The following CLCN5 variants were observed in gnomAD, a reference collection of about 807,000 sequenced individuals.
CLCN5 encodes the protein Cl-/H+ antiporter 5, also known as H(+)/Cl(-) exchange transporter 5.
A neutral mutation model predicts 54.0 loss-of-function variants in CLCN5; 17 were observed. That is an observed-to-expected ratio of 0.31 (90% CI 0.22 to 0.47). The LOEUF is 0.47. Ranked by LOEUF, CLCN5 falls within the 20% of genes least tolerant of loss-of-function variation. The pLI, the probability that CLCN5 is intolerant of heterozygous loss-of-function variation, is 1.00. For synonymous variants in CLCN5, 222 were observed against 233.0 expected, an observed-to-expected ratio of 0.95 and a Z score of 0.43; for missense variants, 448 against 646.7, an observed-to-expected ratio of 0.69 and a Z score of 3.33.
intron 3 of CLCN5, among the ~76,000 whole-genome samples, chrX:49,941,237 G>T (rs782696255): frequency 1.8e-5 from 2 of 110,444 alleles, no homozygotes; most frequent in East Asian, 5.7e-4. Flanking sequence ...CATGAGAATT[G>T]CTTGAACCCA....
chrX:50,084,189 A>G (rs1468769337), intron 9 of CLCN5, among the ~76,000 whole-genome samples: 1 of 111,963 alleles, frequency 8.9e-6, no homozygotes, highest in Non-Finnish European at 1.9e-5. Context: ...ACAAACATGT[A>G]CAGCATGCGA....
At chrX:49,988,762 A>G (rs185424074) in intron 3 of CLCN5, among the ~76,000 whole-genome samples, 1 of 112,228 alleles carries the variant, frequency 8.9e-6, no homozygotes, top group African/African-American at 3.2e-5. Flanking sequence ...TCAAATTGGT[A>G]TAAAAGTCCC....
intron 3 of CLCN5, among the ~76,000 whole-genome samples, chrX:49,940,468 A>T (rs941339246): frequency 4.5e-5 from 5 of 111,808 alleles, no homozygotes; most frequent in Non-Finnish European, 7.5e-5. Context: ...CTTCTGTGGT[A>T]GTCCACAACT....
In CLCN5 at chrX:50,086,505, T is replaced by A. The variant is rs1557193944; in HGVS notation, c.1192T>A (p.Phe398Ile). Residue 398 changes from phenylalanine to isoleucine, a missense_variant, in exon 11 of 15, where the codon TTT (phenylalanine) becomes ATT (isoleucine). Phe to Ile is a conservative substitution (Grantham distance 21). This residue lies in a region of CLCN5 where 297 missense variants were observed against 470.4 expected (regional missense o/e 0.63). Transcript: ENST00000376091. ...CGTGCCATTCATTCTGCTGGGCATA[T>A]TTGGTGGTCTGTGGGGAGCACTGTT... is the stretch of plus-strand genomic sequence containing the variant. ...ELVPFILLGI[F>I]GGLWGALFIR... 1 of 1,211,034 alleles carries A rather than the reference T, an allele frequency of 8.3e-7. No homozygotes were observed. The highest frequency in any genetic ancestry group is 1.8e-5 in the South Asian group (1 of 56,926).
At chrX:50,070,322 T>G (rs1933179272) in intron 5 of CLCN5, among the ~76,000 whole-genome samples, 1 of 112,079 alleles carries the variant, frequency 8.9e-6, no homozygotes, top group South Asian at 3.7e-4. Context: ...TTTAAAAAAT[T>G]GTATTTAGTG....
chrX:49,996,939 C>T (rs1310944983), intron 3 of CLCN5, among the ~76,000 whole-genome samples: 2 of 111,772 alleles, frequency 1.8e-5, no homozygotes, highest in African/African-American at 6.5e-5. Flanking sequence ...TCTGAAATAC[C>T]TTTCTCTACC....
chrX:49,935,577 T>C (rs1925910070), intron 3 of CLCN5, among the ~76,000 whole-genome samples: 1 of 111,420 alleles, frequency 9.0e-6, no homozygotes, highest in Non-Finnish European at 1.9e-5. Flanking sequence ...TCAAGTCCTA[T>C]GAAAAAGAAT....
intron 3 of CLCN5, among the ~76,000 whole-genome samples, chrX:49,937,525 C>T (rs1485265497): frequency 4.5e-5 from 5 of 112,016 alleles, no homozygotes; most frequent in Non-Finnish European, 1.9e-5. Context: ...CCAAGGGCCT[C>T]TAAAAGCTAC....
intron 3 of CLCN5, among the ~76,000 whole-genome samples, chrX:49,983,969 T>C (rs1928866339): frequency 9.0e-6 from 1 of 110,998 alleles, no homozygotes; most frequent in Non-Finnish European, 1.9e-5. Flanking sequence ...TTTTTCCTAC[T>C]TGCTTACAAT....
At chrX:50,047,634 G>A (rs190323027) in intron 4 of CLCN5, among the ~76,000 whole-genome samples, 69 of 111,275 alleles carry the variant, frequency 6.2e-4, no homozygotes, top group Non-Finnish European at 1.1e-3. Context: ...TCTCATCCAG[G>A]ATACTATATT....
In CLCN5 at chrX:49,925,424, A is replaced by G. The variant is rs1925292400; in HGVS notation, c.16+110A>G. 7.9e-6 allele frequency: 6 copies of G among 755,877 alleles called. No homozygotes were observed. In the South Asian group the frequency reaches 1.3e-4, roughly 17 times the overall value. The allele number at this position is 755,877 out of a possible 1,213,427, so 62.3% of individuals were successfully genotyped here. A position where few individuals can be genotyped will look rare whatever the true frequency, so the allele number is the denominator to read the frequency against. ...ATGGCAGGCAGCCAGCTGTTCTTTA[A>G]TTTAACCCTTTGTCTTTGCAGGGAC... is the stretch of plus-strand genomic sequence containing the variant. On this transcript the variant is annotated intron_variant, in intron 3 of 14. Coordinates refer to ENST00000376091, the MANE Select transcript of CLCN5 (RefSeq NM_001127898.4).
At chrX:50,058,569 T>A (rs782626862) in intron 4 of CLCN5, among the ~76,000 whole-genome samples, 8 of 111,573 alleles carry the variant, frequency 7.2e-5, no homozygotes, top group Non-Finnish European at 1.3e-4. Context: ...GCAGTGTGTT[T>A]CTAGAGACCT....
intron 3 of CLCN5, among the ~76,000 whole-genome samples, chrX:49,932,996 C>T (rs980583128): frequency 1.8e-5 from 2 of 111,632 alleles, no homozygotes; most frequent in East Asian, 5.6e-4. Context: ...GACGAGAAAG[C>T]TTTAGTGTGA....
rs1934178832 is a variant in CLCN5, at chrX:50,093,834, G to A, written c.*1615G>A. 1 of 111,989 alleles carries A rather than the reference G, an allele frequency of 8.9e-6. No homozygotes were observed. 9.2% of individuals were successfully genotyped at this position (111,989 alleles called of 1,213,427 possible). On this transcript the variant is annotated 3_prime_UTR_variant, in exon 15 of 15. Transcript: ENST00000376091. ...GTCTCACAACACATGGACCAGAGGT[G>A]ACACACAGCCATTTCCTTTGCCATG...
chrX:49,970,036 ATCT>A (rs1197478897), intron 3 of CLCN5, among the ~76,000 whole-genome samples: 5 of 111,376 alleles, frequency 4.5e-5, no homozygotes, highest in African/African-American at 1.6e-4. Flanking sequence ...TTGGTCTAAA[ATCT>A]TCTTTCTCTG....
At chrX:50,008,460 G>A (rs1930319053) in intron 3 of CLCN5, 1 of 364,991 alleles carries the variant, frequency 2.7e-6, no homozygotes, top group Non-Finnish European at 5.6e-6. Context: ...TGCTACCTGG[G>A]TGAGAGTGCT....
intron 4 of CLCN5, among the ~76,000 whole-genome samples, chrX:50,059,771 A>C (rs1932821334): frequency 9.1e-6 from 1 of 109,854 alleles, no homozygotes; most frequent in South Asian, 4.0e-4. Context: ...ATGGAATAAA[A>C]AAAAAAGTCC....
In CLCN5 at chrX:50,069,947, A is replaced by G. The variant is rs782634191; in HGVS notation, c.232A>G (p.Ile78Val). The G allele has an allele frequency of 3.6e-5, 43 of 1,207,469 alleles. No homozygotes were observed. The South Asian group carries it at 7.1e-4, about 20-fold the overall frequency. Residue 78 changes from isoleucine (I) to valine (V), a missense_variant, in exon 5 of 15, where the codon ATC (isoleucine) becomes GTC (valine). This residue lies in a region of CLCN5 where 69 missense variants were observed against 60.9 expected (regional missense o/e 1.13). Transcript: ENST00000376091. ...GATCATGGACTTCTTGGAGGAGCCA[A>G]TCCCTGGTGTAGGGACCTATGATGA... ...NRIMDFLEEP[I>V]PGVGTYDDFN... is the part of the protein sequence containing the mutation.
intron 3 of CLCN5, among the ~76,000 whole-genome samples, chrX:50,007,118 C>G (rs1930188426): frequency 8.9e-6 from 1 of 111,915 alleles, no homozygotes; most frequent in Non-Finnish European, 1.9e-5. Flanking sequence ...AGTGAGCTGT[C>G]TCGGCATTCT....
Sources: gnomAD v4.1 joint callset for allele counts (sites outside exome capture counted in the v4.1 genomes callset) on GRCh38, gnomAD v4.1.1 for gene constraint, gnomAD v4.1.1 regional missense constraint, MANE v1.5 for transcripts, NCBI Gene and HGNC (gene_info 2026-07-23, HGNC 2026-07-21) for gene names.